EFNA5: variants seen among roughly 807,000 people sequenced by gnomAD.
The protein encoded by EFNA5 is ephrin-A5.
EFNA5 carries 5 observed loss-of-function variants against 22.9 expected under a neutral mutation model. The observed-to-expected ratio is 0.22, with a 90% CI of 0.11 to 0.46. The LOEUF (loss-of-function observed/expected upper bound fraction) is 0.46, where lower values mean the gene tolerates loss of function less well. Among genes scored for constraint, EFNA5 ranks in the 20% least tolerant of loss-of-function variants. The probability of loss-of-function intolerance (pLI) is 0.99; values close to 1 mark genes in which losing one functional copy is unlikely to be tolerated. For synonymous variants in EFNA5, 113 were observed against 112.2 expected (o/e 1.01, Z -0.04); for missense variants, 237 against 293.3 (o/e 0.81, Z 1.40).
At chr5:107,541,872 C>T (rs1365306282) in intron 1 of EFNA5, among the ~76,000 whole-genome samples, 1 of 152,204 alleles carries the variant, frequency 6.6e-6, no homozygotes, top group Non-Finnish European at 1.5e-5. Flanking sequence ...CTCTGTTCTA[C>T]CATCTTTAAA....
intron 1 of EFNA5, among the ~76,000 whole-genome samples, chr5:107,451,285 C>T (rs894776542): frequency 3.3e-5 from 5 of 152,128 alleles, no homozygotes; most frequent in African/African-American, 1.2e-4. Context: ...TTTAATTGCC[C>T]ATAGAGCAAC....
chr5:107,445,748 G>T (rs1207042109), intron 1 of EFNA5, among the ~76,000 whole-genome samples: 1 of 152,134 alleles, frequency 6.6e-6, no homozygotes, highest in South Asian at 2.1e-4. Context: ...CCACTTGGGA[G>T]GTGTCACTAA....
intron 1 of EFNA5, among the ~76,000 whole-genome samples, chr5:107,557,421 G>A (rs1748445853): frequency 6.6e-6 from 1 of 152,120 alleles, no homozygotes; most frequent in African/African-American, 2.4e-5. Context: ...TTGAGTTTCA[G>A]CCACACGCTG....
At chr5:107,443,030 A>T (rs1749298683) in intron 1 of EFNA5, among the ~76,000 whole-genome samples, 1 of 151,848 alleles carries the variant, frequency 6.6e-6, no homozygotes, top group African/African-American at 2.4e-5. Flanking sequence ...GGAAGAAGAT[A>T]TCCAAATTTT....
intron 1 of EFNA5, among the ~76,000 whole-genome samples, chr5:107,518,306 G>A (rs2038374598): frequency 1.3e-5 from 2 of 151,464 alleles, no homozygotes; most frequent in South Asian, 4.2e-4. Flanking sequence ...AAAAGCCATT[G>A]CAGACATCGG....
At chr5:107,650,027 C>G (rs1014270506) in intron 1 of EFNA5, among the ~76,000 whole-genome samples, 2 of 152,098 alleles carry the variant, frequency 1.3e-5, no homozygotes, top group Non-Finnish European at 2.9e-5. Flanking sequence ...TGCCATGACT[C>G]AATCTCTGAC....
At chr5:107,553,033 C>A (rs1337663780) in intron 1 of EFNA5, among the ~76,000 whole-genome samples, 1 of 152,134 alleles carries the variant, frequency 6.6e-6, no homozygotes, top group Non-Finnish European at 1.5e-5. Context: ...TAGCCCTCCT[C>A]TAAGGAATTA....
intron 1 of EFNA5, among the ~76,000 whole-genome samples, chr5:107,446,733 G>T (rs1315930214): frequency 6.6e-6 from 1 of 151,282 alleles, no homozygotes; most frequent in Non-Finnish European, 1.5e-5. Flanking sequence ...CAGCCTGGGT[G>T]ACAAAAAACT....
chr5:107,508,470 AT>A (rs1326674749), intron 1 of EFNA5, among the ~76,000 whole-genome samples: 1 of 152,182 alleles, frequency 6.6e-6, no homozygotes, highest in Non-Finnish European at 1.5e-5. Context: ...GCATAGTTTA[AT>A]TCCTGTATAT....
At chr5:107,412,535 A>T (rs1748397166) in intron 2 of EFNA5, among the ~76,000 whole-genome samples, 1 of 152,200 alleles carries the variant, frequency 6.6e-6, no homozygotes, top group Admixed American at 6.5e-5. Context: ...TTTAGACTAC[A>T]GCTGAGTTTT....
chr5:107,426,976 G>T, intron 2 of EFNA5: 1 of 450,722 alleles, frequency 2.2e-6, no homozygotes, highest in Non-Finnish European at 3.9e-6. Context: ...AAAAATACAA[G>T]TCAGCAGTGG....
At chr5:107,408,169 G>GCACACACACA (rs111307720) in intron 2 of EFNA5, among the ~76,000 whole-genome samples, 2 of 149,098 alleles carry the variant, frequency 1.3e-5, no homozygotes, top group African/African-American at 4.9e-5. Context: ...GCAAAACAAC[G>GCACACACACA]CACACACACA....
chr5:107,450,906 G>A (rs1461121498), intron 1 of EFNA5, among the ~76,000 whole-genome samples: 2 of 152,186 alleles, frequency 1.3e-5, no homozygotes, highest in African/African-American at 4.8e-5. Flanking sequence ...GATTCTGGAG[G>A]CTTTTCATCG....
intron 1 of EFNA5, among the ~76,000 whole-genome samples, chr5:107,571,801 C>T (rs1208784152): frequency 1.3e-5 from 2 of 152,108 alleles, no homozygotes. Context: ...TTTCCTTTCT[C>T]GTAGAGACAC....
chr5:107,576,103 T>A (rs1022001104), intron 1 of EFNA5, among the ~76,000 whole-genome samples: 1 of 152,210 alleles, frequency 6.6e-6, no homozygotes, highest in Admixed American at 6.5e-5. Context: ...AAATGTCTAG[T>A]TCTCCAAATG....
intron 1 of EFNA5, among the ~76,000 whole-genome samples, chr5:107,438,385 T>C (rs1031365290): frequency 1.3e-5 from 2 of 152,162 alleles, no homozygotes; most frequent in Non-Finnish European, 2.9e-5. Context: ...CAATCGCCTA[T>C]CACATTGGCA....
At chr5:107,401,652 G>A (rs1427858957) in intron 2 of EFNA5, among the ~76,000 whole-genome samples, 1 of 152,168 alleles carries the variant, frequency 6.6e-6, no homozygotes, top group East Asian at 1.9e-4. Context: ...ACCACACAGG[G>A]CTGTAGGAAG....
intron 1 of EFNA5, among the ~76,000 whole-genome samples, chr5:107,632,838 T>C (rs1282141190): frequency 2.6e-5 from 4 of 152,222 alleles, no homozygotes; most frequent in African/African-American, 9.6e-5. Context: ...TTGAAAATAT[T>C]TTCCTAATCT....
At chr5:107,508,120 A>G (rs1333594921) in intron 1 of EFNA5, among the ~76,000 whole-genome samples, 1 of 152,196 alleles carries the variant, frequency 6.6e-6, no homozygotes, top group African/African-American at 2.4e-5. Flanking sequence ...TGGCCAAATC[A>G]GGTGATGCCT....
Sources: gnomAD v4.1 joint callset for allele counts (sites outside exome capture counted in the v4.1 genomes callset) on GRCh38, gnomAD v4.1.1 for gene constraint, MANE v1.5 for transcripts, NCBI Gene and HGNC (gene_info 2026-07-23, HGNC 2026-07-21) for gene names.